The following ARMC9 variants were observed in gnomAD, a reference collection of about 807,000 sequenced individuals.
ARMC9 encodes armadillo repeat containing 9.
Under a neutral mutation model 107.0 loss-of-function variants are expected in ARMC9, and 94 were observed. The ratio of observed to expected loss-of-function variants is 0.88; its 90% confidence interval spans 0.74 to 1.04. The LOEUF is 1.04. Ranked by LOEUF, ARMC9 falls within the 50% of genes least tolerant of loss-of-function variation. The pLI is 0.00. For missense variants in ARMC9, 942 were observed against 1,030.1 expected (o/e 0.91, Z 1.17); for synonymous variants, 380 against 396.9 (o/e 0.96, Z 0.51).
chr2:231,283,795 A>G (rs1446926168), intron 17 of ARMC9, among the ~76,000 whole-genome samples: 1 of 152,142 alleles, frequency 6.6e-6, no homozygotes, highest in Non-Finnish European at 1.5e-5. Context: ...CAGTGGCCTG[A>G]TAGTAGTGCA....
intron 14 of ARMC9, among the ~76,000 whole-genome samples, chr2:231,274,747 A>G (rs954949033): frequency 6.6e-6 from 1 of 152,166 alleles, no homozygotes; most frequent in African/African-American, 2.4e-5. Flanking sequence ...ACAAATAACC[A>G]GAAGCCTACA....
At chr2:231,339,295 T>G (rs958622884) in intron 20 of ARMC9, among the ~76,000 whole-genome samples, 1 of 151,434 alleles carries the variant, frequency 6.6e-6, no homozygotes, top group Non-Finnish European at 1.5e-5. Context: ...GCCATTGCAC[T>G]CTAGCTCTGG....
chr2:231,279,052 G>A (rs1306091859), intron 16 of ARMC9, among the ~76,000 whole-genome samples: 2 of 152,084 alleles, frequency 1.3e-5, no homozygotes, highest in Non-Finnish European at 2.9e-5. Flanking sequence ...GTCCTCAGTG[G>A]GCATGGCTGC....
At chr2:231,238,117 G>T (rs1001589743) in intron 8 of ARMC9, among the ~76,000 whole-genome samples, 6 of 151,876 alleles carry the variant, frequency 4.0e-5, no homozygotes, top group Non-Finnish European at 2.9e-5. Context: ...GTTGAAGGTG[G>T]GTTGAGACAG....
intron 8 of ARMC9, among the ~76,000 whole-genome samples, chr2:231,237,753 G>GTATA (rs1226959333): frequency 0.025 from 600 of 24,398 alleles, 30 homozygotes; most frequent in Middle Eastern, 0.062. Flanking sequence ...TTGGCTATAT[G>GTATA]TATATATATA....
intron 22 of ARMC9, among the ~76,000 whole-genome samples, chr2:231,356,464 A>G (rs1188428546): frequency 1.3e-5 from 2 of 152,188 alleles, no homozygotes; most frequent in East Asian, 1.9e-4. Context: ...GAAATGTACA[A>G]AGTATTTTTT....
chr2:231,230,674 T>C (rs1030516489), intron 7 of ARMC9, among the ~76,000 whole-genome samples: 5 of 152,210 alleles, frequency 3.3e-5, no homozygotes, highest in African/African-American at 1.2e-4. Flanking sequence ...TCAAGTCCTT[T>C]ATGTAAAATG....
chr2:231,229,627 G>A (rs1432433202), intron 7 of ARMC9, among the ~76,000 whole-genome samples: 2 of 152,176 alleles, frequency 1.3e-5, no homozygotes, highest in African/African-American at 2.4e-5. Flanking sequence ...GGAGTTTGGA[G>A]CCCTAAACAG....
At chr2:231,365,362 G>A (rs1471439875) in intron 23 of ARMC9, among the ~76,000 whole-genome samples, 1 of 152,154 alleles carries the variant, frequency 6.6e-6, no homozygotes, top group African/African-American at 2.4e-5. Context: ...ACATTGTGTT[G>A]GGAGGGAAGA....
At chr2:231,216,604 GGA>G (rs752402848) in intron 4 of ARMC9, 32 bp from the exon 5 acceptor site, 1 of 1,604,450 alleles carries the variant, frequency 6.2e-7, no homozygotes, top group Non-Finnish European at 8.5e-7. Context: ...GCATTGATCT[GGA>G]GACCTCAAAC....
chr2:231,325,901 A>G (rs1448330437), intron 19 of ARMC9, among the ~76,000 whole-genome samples: 1 of 152,190 alleles, frequency 6.6e-6, no homozygotes, highest in Non-Finnish European at 1.5e-5. Context: ...ACCATAGGGC[A>G]TGAGTCCCAA....
chr2:231,259,955 C>G (rs2038182766), intron 11 of ARMC9, among the ~76,000 whole-genome samples: 1 of 152,208 alleles, frequency 6.6e-6, no homozygotes, highest in Non-Finnish European at 1.5e-5. Context: ...AAGATCACAC[C>G]ACTGCACTCC....
intron 20 of ARMC9, among the ~76,000 whole-genome samples, chr2:231,340,296 A>G (rs183119892): frequency 2.0e-5 from 3 of 152,302 alleles, no homozygotes; most frequent in African/African-American, 7.2e-5. Flanking sequence ...AGCATCTTTC[A>G]CATGGGAGTT....
chr2:231,371,693 C>A lies in ARMC9; in HGVS notation c.*158C>A. On this transcript the variant is annotated 3_prime_UTR_variant, in exon 25 of 25. Coordinates refer to ENST00000611582, the MANE Select transcript of ARMC9 (RefSeq NM_001352754.2). ...CTCTCCAGGCAGCACCAGAGCAAGG[C>A]CATCGCAGCCCCGCCAGCCGGGTCA... 1 of 702,600 alleles carries A rather than the reference C, an allele frequency of 1.4e-6. No homozygotes were observed. Among genetic ancestry groups the A allele is most frequent in the Non-Finnish European group, 2.0e-6 (1 of 504,770 alleles). 43.5% of individuals were successfully genotyped at this position (702,600 alleles called of 1,614,324 possible).
At chr2:231,247,418 G>A (rs2036872205) in intron 9 of ARMC9, among the ~76,000 whole-genome samples, 1 of 152,190 alleles carries the variant, frequency 6.6e-6, no homozygotes, top group South Asian at 2.1e-4. Flanking sequence ...CTGGCTTGAA[G>A]CTCAGCATCT....
intron 23 of ARMC9, among the ~76,000 whole-genome samples, chr2:231,364,178 C>G (rs190119220): frequency 1.3e-5 from 2 of 152,352 alleles, no homozygotes; most frequent in Non-Finnish European, 2.9e-5. Flanking sequence ...TGACTGTCAC[C>G]TGTCAGTCCT....
At position 231,276,747 on chromosome 2, in the gene ARMC9, G is replaced by A. The variant is rs752588574; in HGVS notation, c.1446G>A (p.Leu482=). Residue 482 remains leucine, a synonymous_variant, in exon 15 of 25, where the codon TTG becomes TTA. Transcript: ENST00000611582. ...ACACGCTGGAGTACTCGGTGGCTTTGCTCATGAACCTCTGCCTCCGCAGCA... is the reference window on the plus strand; with the variant it reads ...ACACGCTGGAGTACTCGGTGGCTTTACTCATGAACCTCTGCCTCCGCAGCA... ...SDYTLEYSVA[L]LMNLCLRSTG... is the part of the protein sequence containing the mutation. 1 of 1,614,100 alleles carries A rather than the reference G, an allele frequency of 6.2e-7. No homozygotes were observed. Among genetic ancestry groups the A allele is most frequent in the East Asian group, 2.2e-5 (1 of 44,876 alleles).
At position 231,339,282 on chromosome 2, in the gene ARMC9, C is replaced by T. The variant is rs1034241347; in HGVS notation, c.1879-5693C>T. Among the ~76,000 whole-genome samples the T allele has an allele frequency of 7.9e-5, 12 of 151,370 alleles. No homozygotes were observed. In the South Asian group the frequency reaches 1.3e-3, roughly 16 times the overall value. ...GGCAGAGGTTGCAGTGAGCCGAGAT[C>T]GCGCCATTGCACTCTAGCTCTGGGC... On this transcript the variant is annotated intron_variant, in intron 20 of 24. Coordinates refer to ENST00000611582, the MANE Select transcript of ARMC9 (RefSeq NM_001352754.2).
chr2:231,329,273 G>A (rs1301880335), intron 19 of ARMC9, among the ~76,000 whole-genome samples: 3 of 152,016 alleles, frequency 2.0e-5, no homozygotes, highest in Non-Finnish European at 2.9e-5. Context: ...ATTCATGAAC[G>A]AGGTGTGGTT....
Sources: allele counts gnomAD v4.1 joint callset (sites outside exome capture counted in the v4.1 genomes callset), GRCh38; gene constraint gnomAD v4.1.1; transcripts MANE v1.5; gene names NCBI Gene and HGNC (gene_info 2026-07-23, HGNC 2026-07-21).